Variants in GRM7 observed in about 807,000 individuals in gnomAD.
The protein encoded by GRM7 is glutamate metabotropic receptor 7.
A neutral mutation model predicts 84.5 loss-of-function variants in GRM7; 35 were observed. The observed-to-expected ratio is 0.41, with a 90% CI of 0.32 to 0.55. The LOEUF (loss-of-function observed/expected upper bound fraction) is 0.55, where lower values mean the gene tolerates loss of function less well. GRM7 is among the 20% of genes least tolerant of loss of function. The probability of loss-of-function intolerance (pLI) is 0.19; values close to 1 mark genes in which losing one functional copy is unlikely to be tolerated. For missense variants in GRM7, 1,003 were observed against 1,194.6 expected (o/e 0.84, Z 2.36); for synonymous variants, 487 against 455.1 (o/e 1.07, Z -0.89).
chr3:7,362,149 G>A (rs1327692604), intron 4 of GRM7, among the ~76,000 whole-genome samples: 1 of 152,076 alleles, frequency 6.6e-6, no homozygotes, highest in Non-Finnish European at 1.5e-5. Context: ...TGATTGAAAT[G>A]CTGCTTTATA....
chr3:7,403,622 GATATATAT>G (rs59465377), intron 4 of GRM7, among the ~76,000 whole-genome samples: 1,591 of 126,948 alleles, frequency 0.013, 32 homozygotes, highest in African/African-American at 0.041. Context: ...GAGTAATTCT[GATATATAT>G]ATATATATAT....
At chr3:7,394,604 T>C (rs1695133457) in intron 4 of GRM7, among the ~76,000 whole-genome samples, 1 of 151,362 alleles carries the variant, frequency 6.6e-6, no homozygotes, top group Non-Finnish European at 1.5e-5. Flanking sequence ...TCTTCTTTTT[T>C]CCTCCCCTTT....
At position 7,588,820 on chromosome 3, in the gene GRM7, C is replaced by G. The variant is rs1445397429; in HGVS notation, c.2451+9463C>G. Among the ~76,000 whole-genome samples the G allele has an allele frequency of 2.0e-5, 3 of 152,198 alleles. No homozygotes were observed. The East Asian group carries it at 5.8e-4, about 29-fold the overall frequency. ...CCCATTTTCCTTCTCATATTGCACG[C>G]TCTTCGTCCTCACTTTCAACTGAGA... On this transcript the variant is annotated intron_variant, in intron 8 of 9. Transcript: ENST00000357716.
chr3:7,289,718 T>C (rs1699552494), intron 2 of GRM7, among the ~76,000 whole-genome samples: 1 of 151,996 alleles, frequency 6.6e-6, no homozygotes, highest in Non-Finnish European at 1.5e-5. Context: ...GGGACATGGA[T>C]GAAACTGGAA....
chr3:7,626,004 A>G (rs1355927066), intron 8 of GRM7, among the ~76,000 whole-genome samples: 1 of 152,124 alleles, frequency 6.6e-6, no homozygotes, highest in Non-Finnish European at 1.5e-5. Context: ...CTGAGAAAGG[A>G]GCTGTTTCAA....
At chr3:7,617,305 A>T (rs1485168) in intron 8 of GRM7, among the ~76,000 whole-genome samples, 43,030 of 152,022 alleles carry the variant, frequency 0.28, 6,773 homozygotes, top group African/African-American at 0.42. Context: ...AAAGTGTCTT[A>T]GCAAATCATG....
intron 2 of GRM7, among the ~76,000 whole-genome samples, chr3:7,237,955 C>T (rs1487110470): frequency 6.6e-6 from 1 of 152,116 alleles, no homozygotes; most frequent in Non-Finnish European, 1.5e-5. Context: ...TTTAGCTAGA[C>T]ACAGAGTGCT....
chr3:7,092,184 G>A (rs562971907), intron 1 of GRM7, among the ~76,000 whole-genome samples: 54 of 152,088 alleles, frequency 3.6e-4, no homozygotes, highest in African/African-American at 1.1e-3. Flanking sequence ...CTTTTAATCC[G>A]TGAAGTAAAG....
intron 1 of GRM7, among the ~76,000 whole-genome samples, chr3:7,039,864 T>A (rs535202083): frequency 6.6e-6 from 1 of 152,322 alleles, no homozygotes; most frequent in African/African-American, 2.4e-5. Flanking sequence ...TGTTTTAGAA[T>A]GTTTATGAGT....
At chr3:6,937,968 C>T (rs759609775) in intron 1 of GRM7, among the ~76,000 whole-genome samples, 1 of 152,154 alleles carries the variant, frequency 6.6e-6, no homozygotes, top group Non-Finnish European at 1.5e-5. Flanking sequence ...ATGACATCCT[C>T]ATTTTACAGA....
intron 2 of GRM7, among the ~76,000 whole-genome samples, chr3:7,160,965 T>A (rs1046984971): frequency 1.3e-5 from 2 of 152,152 alleles, no homozygotes; most frequent in African/African-American, 4.8e-5. Context: ...TATTTGTTGC[T>A]GGAATAAATG....
chr3:7,138,928 A>C (rs1300085979), intron 1 of GRM7, among the ~76,000 whole-genome samples: 2 of 151,032 alleles, frequency 1.3e-5, no homozygotes, highest in African/African-American at 4.8e-5. Flanking sequence ...AAAGGCATAC[A>C]ATGACAAGTG....
intron 7 of GRM7, 68 bp downstream of exon 7, chr3:7,461,790 A>G (rs375225908): frequency 2.1e-6 from 3 of 1,446,684 alleles, no homozygotes; most frequent in East Asian, 2.3e-5. Context: ...TTGCTCAGTT[A>G]TACAAATGTT....
At chr3:7,085,448 A>G (rs966669736) in intron 1 of GRM7, among the ~76,000 whole-genome samples, 1 of 152,180 alleles carries the variant, frequency 6.6e-6, no homozygotes, top group African/African-American at 2.4e-5. Context: ...AAGTAATGAC[A>G]TTATTCTCTA....
chr3:7,099,906 A>T lies in GRM7; in HGVS notation c.520-46546A>T, dbSNP rs959510674. Reference sequence around the variant, plus strand: ...TTATACATATATACATAGATTATACATATATAATATTAATATATTATATAT... The same window carrying T: ...TTATACATATATACATAGATTATACTTATATAATATTAATATATTATATAT... On this transcript the variant is annotated intron_variant, in intron 1 of 9. Transcript: ENST00000357716. Among the ~76,000 whole-genome samples the T allele has an allele frequency of 1.5e-4, 16 of 108,738 alleles. 1 individual carries two copies. Among genetic ancestry groups the T allele is most frequent in the Admixed American group, 1.0e-3 (12 of 11,612 alleles). 71.3% of individuals were successfully genotyped at this position (108,738 alleles called of 152,430 possible).
intron 2 of GRM7, among the ~76,000 whole-genome samples, chr3:7,211,652 C>CCAAAAAA (rs1553632407): frequency 2.4e-5 from 3 of 122,670 alleles, no homozygotes; most frequent in East Asian, 4.7e-4. Flanking sequence ...TTCTCCCAAC[C>CCAAAAAA]AAAAAAAAAA....
At chr3:6,876,790 C>CG (rs1695322758) in intron 1 of GRM7, among the ~76,000 whole-genome samples, 1 of 151,710 alleles carries the variant, frequency 6.6e-6, no homozygotes, top group Non-Finnish European at 1.5e-5. Flanking sequence ...TTAATAGAGA[C>CG]GGGGTTTCAC....
intron 1 of GRM7, among the ~76,000 whole-genome samples, chr3:6,950,081 A>G (rs1575056088): frequency 6.6e-6 from 1 of 152,112 alleles, no homozygotes; most frequent in South Asian, 2.1e-4. Context: ...CCATCTAGCT[A>G]TTTCCTTTGC....
chr3:7,691,386 C>A, intron 9 of GRM7: 3 of 542,540 alleles, frequency 5.5e-6, no homozygotes, highest in Non-Finnish European at 8.2e-6. Flanking sequence ...TTTCTCTGGT[C>A]AAGAAAAAGA....
Sources: allele counts gnomAD v4.1 joint callset (sites outside exome capture counted in the v4.1 genomes callset), GRCh38; gene constraint gnomAD v4.1.1; transcripts MANE v1.5; gene names NCBI Gene and HGNC (gene_info 2026-07-23, HGNC 2026-07-21).